Variants in EYS observed in about 807,000 individuals in gnomAD.
The protein encoded by EYS is EGF-like photoreceptor maintenance factor, also known as protein eyes shut homolog.
A neutral mutation model predicts 282.1 loss-of-function variants in EYS; 250 were observed. The ratio of observed to expected loss-of-function variants is 0.89; its 90% CI spans 0.80 to 0.98. The LOEUF is 0.98. Among genes scored for constraint, EYS ranks in the 50% least tolerant of loss-of-function variants. The pLI is 0.00. For missense variants in EYS, 4,016 were observed against 3,709.0 expected (o/e 1.08, Z -2.15); for synonymous variants, 1,355 against 1,282.9 (o/e 1.06, Z -1.20).
chr6:65,385,852 A>C (rs1765779535), intron 7 of EYS, among the ~76,000 whole-genome samples: 1 of 151,978 alleles, frequency 6.6e-6, no homozygotes, highest in African/African-American at 2.4e-5. Flanking sequence ...TCCAAATACC[A>C]ACTTAATGAA....
At chr6:65,355,329 TA>T (rs1480456086) in intron 8 of EYS, among the ~76,000 whole-genome samples, 3 of 152,020 alleles carry the variant, frequency 2.0e-5, no homozygotes, top group African/African-American at 7.2e-5. Flanking sequence ...TTCATGTAAC[TA>T]AAAACCACCT....
At chr6:64,885,596 T>C (rs1340970322) in intron 19 of EYS, among the ~76,000 whole-genome samples, 1 of 151,770 alleles carries the variant, frequency 6.6e-6, no homozygotes, top group African/African-American at 2.4e-5. Context: ...AAGTAAACTG[T>C]TTTATAGTTG....
intron 12 of EYS, among the ~76,000 whole-genome samples, chr6:65,173,653 T>C (rs556552744): frequency 6.6e-6 from 1 of 151,130 alleles, no homozygotes; most frequent in South Asian, 2.1e-4. Context: ...CTTTTTATTT[T>C]AGTAACAAAG....
intron 2 of EYS, among the ~76,000 whole-genome samples, chr6:65,504,368 G>A (rs191164426): frequency 7.9e-5 from 12 of 151,640 alleles, no homozygotes; most frequent in African/African-American, 2.9e-4. Flanking sequence ...ACCATTTTAT[G>A]TCTTTCTTAT....
intron 24 of EYS, among the ~76,000 whole-genome samples, chr6:64,609,560 C>T (rs1293877439): frequency 6.6e-6 from 1 of 150,950 alleles, no homozygotes; most frequent in Non-Finnish European, 1.5e-5. Flanking sequence ...ATTTTGGAAT[C>T]CAATCTGTTT....
At chr6:65,547,049 T>C (rs1768418724) in intron 2 of EYS, among the ~76,000 whole-genome samples, 1 of 151,990 alleles carries the variant, frequency 6.6e-6, no homozygotes, top group South Asian at 2.1e-4. Flanking sequence ...ATGTCGAGAA[T>C]GCCACTACGA....
At position 64,945,726 on chromosome 6, in the gene EYS, G is replaced by A. The variant is rs1769263702; in HGVS notation, c.2381+67C>T. ...GTATCTAAAGTGAAAATAATGTCTG[G>A]ATGTATCCCAAGGACACTGAGCACT... is the stretch of plus-strand genomic sequence containing the variant. On this transcript the variant is annotated intron_variant, in intron 15 of 42. Transcript: ENST00000503581. 2.2e-6 allele frequency: 3 copies of A among 1,387,120 alleles called. No homozygotes were observed. The South Asian group carries it at 4.1e-5, about 19-fold the overall frequency. The allele number at this position is 1,387,120 out of a possible 1,614,324, so 85.9% of individuals were successfully genotyped here. A position where few individuals can be genotyped will look rare whatever the true frequency, so the allele number is the denominator to read the frequency against.
chr6:64,384,863 G>A (rs1312613963), intron 29 of EYS, among the ~76,000 whole-genome samples: 2 of 152,094 alleles, frequency 1.3e-5, no homozygotes, highest in African/African-American at 2.4e-5. Context: ...GTTAAAGGAA[G>A]CATTAAACAA....
intron 12 of EYS, among the ~76,000 whole-genome samples, chr6:65,196,016 T>G (rs1765757949): frequency 6.6e-6 from 1 of 152,076 alleles, no homozygotes; most frequent in South Asian, 2.1e-4. Flanking sequence ...GGATAATGAA[T>G]GCCTTGACAC....
intron 5 of EYS, among the ~76,000 whole-genome samples, chr6:65,478,258 G>A (rs372627068): frequency 1.8e-4 from 27 of 151,826 alleles, no homozygotes; most frequent in African/African-American, 6.3e-4. Flanking sequence ...ACTAAGACTA[G>A]TTGATTAGAG....
chr6:64,136,488 A>G (rs893821148), intron 31 of EYS, among the ~76,000 whole-genome samples: 11 of 152,182 alleles, frequency 7.2e-5, no homozygotes, highest in African/African-American at 1.7e-4. Context: ...AGGAATCACT[A>G]TCTATGGCAG....
At chr6:65,552,074 G>A (rs1351861947) in intron 2 of EYS, among the ~76,000 whole-genome samples, 15 of 11,278 alleles carry the variant, frequency 1.3e-3, no homozygotes, top group African/African-American at 7.2e-3. Flanking sequence ...AACACATGAA[G>A]AAATGCTCAT....
intron 35 of EYS, among the ~76,000 whole-genome samples, chr6:63,892,855 A>C (rs558585579): frequency 5.1e-4 from 78 of 152,324 alleles, no homozygotes; most frequent in African/African-American, 1.8e-3. Context: ...AATATCCTGA[A>C]TCCATAAGGA....
chr6:65,048,385 G>A (rs1462908755), intron 13 of EYS, among the ~76,000 whole-genome samples: 5 of 151,688 alleles, frequency 3.3e-5, no homozygotes, highest in Admixed American at 3.3e-4. Context: ...AAATCACATT[G>A]GACTGTCCAA....
chr6:65,219,330 G>A (rs150428783), intron 12 of EYS, among the ~76,000 whole-genome samples: 354 of 152,086 alleles, frequency 2.3e-3, no homozygotes, highest in African/African-American at 8.3e-3. Context: ...TTTCAGTAGA[G>A]GAAAAATAGA....
chr6:64,893,003 C>T (rs1316235223), intron 18 of EYS, among the ~76,000 whole-genome samples: 1 of 151,982 alleles, frequency 6.6e-6, no homozygotes, highest in East Asian at 1.9e-4. Flanking sequence ...GCACTTGGAA[C>T]ATTTTCTTCT....
intron 19 of EYS, among the ~76,000 whole-genome samples, chr6:64,876,155 T>C (rs553726387): frequency 2.0e-5 from 3 of 152,164 alleles, no homozygotes; most frequent in South Asian, 2.1e-4. Flanking sequence ...TTATATCCTA[T>C]CTGAATTTAA....
At chr6:64,814,566 G>A (rs974237952) in intron 21 of EYS, among the ~76,000 whole-genome samples, 1 of 151,912 alleles carries the variant, frequency 6.6e-6, no homozygotes, top group Non-Finnish European at 1.5e-5. Flanking sequence ...ATGCTTTTAA[G>A]TTTACAGTTT....
chr6:65,661,661 G>A (rs931985302), intron 1 of EYS, among the ~76,000 whole-genome samples: 3 of 151,980 alleles, frequency 2.0e-5, no homozygotes, highest in African/African-American at 7.2e-5. Flanking sequence ...ACAGAAAGGA[G>A]GATAAGGCAA....
Sources: gnomAD v4.1 joint callset for allele counts (sites outside exome capture counted in the v4.1 genomes callset) on GRCh38, gnomAD v4.1.1 for gene constraint, MANE v1.5 for transcripts, NCBI Gene and HGNC (gene_info 2026-07-23, HGNC 2026-07-21) for gene names.